The following ABCA8 variants were observed in gnomAD, a reference collection of about 807,000 sequenced individuals.
ABCA8 encodes the protein ABC-type organic anion transporter ABCA8.
A neutral mutation model predicts 192.3 loss-of-function variants in ABCA8; 177 were observed. That is an observed-to-expected ratio of 0.92 (90% CI 0.81 to 1.04). ABCA8 has a LOEUF of 1.04. Among genes scored for constraint, ABCA8 ranks in the 50% least tolerant of loss-of-function variants. The pLI is 0.00. For synonymous variants in ABCA8, 642 were observed against 690.2 expected, an observed-to-expected ratio of 0.93 and a Z score of 1.09; for missense variants, 1,915 against 1,904.8, an observed-to-expected ratio of 1.01 and a Z score of -0.10.
At chr17:68,902,360 G>T (rs1011326130) in intron 21 of ABCA8, among the ~76,000 whole-genome samples, 12 of 152,136 alleles carry the variant, frequency 7.9e-5, no homozygotes, top group Non-Finnish European at 1.6e-4. Flanking sequence ...ATTCTAAAAG[G>T]GATTGTATTG....
chr17:68,867,796 AACTT>A lies in ABCA8; in HGVS notation c.*285_*288del. 4.5e-6 allele frequency: 1 copy of A among 222,218 alleles called. No homozygotes were observed. Among genetic ancestry groups the A allele is most frequent in the Non-Finnish European group, 8.7e-6 (1 of 115,092 alleles). 13.8% of individuals were successfully genotyped at this position (222,218 alleles called of 1,614,324 possible). A position where few individuals can be genotyped will look rare whatever the true frequency, so the allele number is the denominator to read the frequency against. ...ACAAAATTTGTTTATCTTATCTAGAAACTTATACGATCATGTAAAAGTAAATTTA... is the reference window on the plus strand; with the variant it reads ...ACAAAATTTGTTTATCTTATCTAGAAATACGATCATGTAAAAGTAAATTTA... On this transcript the variant is annotated 3_prime_UTR_variant, in exon 40 of 40. Transcript: ENST00000586539.
intron 26 of ABCA8, among the ~76,000 whole-genome samples, chr17:68,885,936 T>A (rs1433158819): frequency 6.6e-6 from 1 of 152,104 alleles, no homozygotes; most frequent in Non-Finnish European, 1.5e-5. Flanking sequence ...GAAATTGATA[T>A]CTAACAGGAA....
Position 68,877,544 on chromosome 17 carries a change from CT to C in ABCA8, c.4173del (p.Asp1393MetfsTer9). The C allele has an allele frequency of 6.2e-7, 1 of 1,613,876 alleles. No homozygotes were observed. The highest frequency in any genetic ancestry group is 1.1e-5 in the South Asian group (1 of 91,044). On this transcript the variant is annotated frameshift_variant, in exon 33 of 40. Transcript: ENST00000586539. LOFTEE classifies it high-confidence loss of function. Reference protein sequence around the residue: ...EVYAAVKGLRKGDAEVAITRL... With the variant: ...EVYAAVKGLRXGDAEVAITRL... ...CGTGTGATGGCAACCTCAGCATCCC[CT>C]TTCCTCAGCCCTTTCACGGCGGCGT...
chr17:68,875,139 T>A, intron 37 of ABCA8, 121 bp downstream of exon 37: 1 of 1,384,988 alleles, frequency 7.2e-7, no homozygotes, highest in Non-Finnish European at 9.8e-7. Flanking sequence ...GTTTACTTCC[T>A]GCAGAATCCA....
chr17:68,928,119 CAGTT>C (rs1196651219), intron 9 of ABCA8, 56 bp from the exon 10 acceptor site: 23 of 1,415,120 alleles, frequency 1.6e-5, no homozygotes, highest in East Asian at 4.7e-5. Context: ...ACATTTTAAA[CAGTT>C]AGGTTTAGCA....
At chr17:68,939,660 G>C (rs1170859987) in intron 4 of ABCA8, among the ~76,000 whole-genome samples, 1 of 151,966 alleles carries the variant, frequency 6.6e-6, no homozygotes, top group Non-Finnish European at 1.5e-5. Flanking sequence ...TATATCGGAG[G>C]GGCAGAGATT....
intron 17 of ABCA8, among the ~76,000 whole-genome samples, chr17:68,916,042 C>T (rs2067351414): frequency 1.3e-5 from 2 of 151,924 alleles, no homozygotes; most frequent in African/African-American, 2.4e-5. Flanking sequence ...AAACTTCATA[C>T]GTTTTCATTC....
At chr17:68,935,262 T>TTTTGTG (rs141469119) in intron 5 of ABCA8, among the ~76,000 whole-genome samples, 97 of 136,082 alleles carry the variant, frequency 7.1e-4, no homozygotes, top group Middle Eastern at 3.5e-3. Context: ...GCCTGGCTAA[T>TTTTGTG]TGTGTGTGTG....
At chr17:68,916,718 A>T (rs1227633369) in intron 17 of ABCA8, among the ~76,000 whole-genome samples, 1 of 152,184 alleles carries the variant, frequency 6.6e-6, no homozygotes, top group Non-Finnish European at 1.5e-5. Context: ...CCGACTTAAG[A>T]ATATATTAAC....
intron 17 of ABCA8, among the ~76,000 whole-genome samples, chr17:68,909,810 T>C (rs1193536186): frequency 1.3e-5 from 2 of 152,228 alleles, no homozygotes; most frequent in African/African-American, 4.8e-5. Context: ...ACTGTCATCC[T>C]ATTTTCTTTG....
In ABCA8 at chr17:68,872,828, G is replaced by T. The variant is rs568544679; in HGVS notation, c.4631+2432C>A. 3.9e-5 allele frequency among the ~76,000 whole-genome samples: 6 copies of T among 151,964 alleles called. No homozygotes were observed. In the East Asian group the frequency reaches 1.2e-3, roughly 29 times the overall value. ...AAACAAATGAATAATTTTAGAAATA[G>T]AAAATAGCTTATAGAATATGGATAT... On this transcript the variant is annotated intron_variant, in intron 37 of 39. Coordinates refer to ENST00000586539, the MANE Select transcript of ABCA8 (RefSeq NM_001288985.2).
At chr17:68,945,937 A>G (rs1286995827) in intron 2 of ABCA8, among the ~76,000 whole-genome samples, 2 of 152,130 alleles carry the variant, frequency 1.3e-5, no homozygotes, top group South Asian at 2.1e-4. Context: ...GAACTTCATA[A>G]TAAGCCTTCA....
chr17:68,928,154 AT>A (rs2067754911), intron 9 of ABCA8, 91 bp from the exon 10 acceptor site: 8 of 1,036,104 alleles, frequency 7.7e-6, no homozygotes. Flanking sequence ...ATGACTACTT[AT>A]TGCCTCATAC....
chr17:68,897,740 A>G (rs1244783328), intron 21 of ABCA8, among the ~76,000 whole-genome samples: 2 of 152,314 alleles, frequency 1.3e-5, no homozygotes, highest in African/African-American at 4.8e-5. Context: ...AAGGAGCTCA[A>G]CAGTAGATTT....
chr17:68,875,800 A>G lies in ABCA8; in HGVS notation c.4371-67T>C, dbSNP rs1014279040. ...AATTAATCAGAAAGAGATAGAGAAA[A>G]GAATTTTTAACTGGCATGCGTGTGA... On this transcript the variant is annotated intron_variant, in intron 35 of 39. Transcript: ENST00000586539. The G allele has an allele frequency of 4.6e-6, 7 of 1,537,352 alleles. No individual in the cohort carries two copies. In the African/African-American group the frequency reaches 8.3e-5, roughly 18 times the overall value.
intron 18 of ABCA8, among the ~76,000 whole-genome samples, chr17:68,907,274 G>A (rs115539681): frequency 0.017 from 2,542 of 152,094 alleles, 70 homozygotes; most frequent in African/African-American, 0.057. Context: ...AACCACTAAT[G>A]TGGGCCCTTA....
At chr17:68,954,729 A>G (rs2068667118) in intron 1 of ABCA8, among the ~76,000 whole-genome samples, 1 of 152,224 alleles carries the variant, frequency 6.6e-6, no homozygotes, top group Non-Finnish European at 1.5e-5. Flanking sequence ...ATTCTTATAG[A>G]CTAAGAGTGA....
intron 7 of ABCA8, among the ~76,000 whole-genome samples, chr17:68,931,532 A>G (rs1199133428): frequency 1.3e-5 from 2 of 152,034 alleles, no homozygotes; most frequent in Admixed American, 1.3e-4. Flanking sequence ...TCTTTAAAAG[A>G]TTATCTTCCT....
Position 68,868,433 on chromosome 17 carries a change from A to T in ABCA8, c.4712-77T>A, listed in dbSNP as rs1434737169. 3.1e-6 allele frequency: 4 copies of T among 1,289,856 alleles called. No homozygotes were observed. In the African/African-American group the frequency reaches 6.0e-5, roughly 19 times the overall value. 79.9% of individuals were successfully genotyped at this position (1,289,856 alleles called of 1,614,324 possible). A position where few individuals can be genotyped will look rare whatever the true frequency, so the allele number is the denominator to read the frequency against. ...CATAAATCAGCATATAGTACAAATG[A>T]TATATTTTTTAAAAATCTTAAATAG... On this transcript the variant is annotated intron_variant, in intron 38 of 39. Coordinates refer to ENST00000586539, the MANE Select transcript of ABCA8 (RefSeq NM_001288985.2).
Sources: allele counts gnomAD v4.1 joint callset (sites outside exome capture counted in the v4.1 genomes callset), GRCh38; gene constraint gnomAD v4.1.1; transcripts MANE v1.5; gene names NCBI Gene and HGNC (gene_info 2026-07-23, HGNC 2026-07-21).